The following ADGRB3 variants were observed in gnomAD, a reference collection of about 807,000 sequenced individuals.
ADGRB3 encodes the protein brain-specific angiogenesis inhibitor 3.
A neutral mutation model predicts 193.4 loss-of-function variants in ADGRB3; 37 were observed. That is an observed-to-expected ratio of 0.19 (90% CI 0.15 to 0.25). The LOEUF (loss-of-function observed/expected upper bound fraction) is 0.25, where lower values mean the gene tolerates loss of function less well. Among genes scored for constraint, ADGRB3 ranks in the 10% least tolerant of loss-of-function variants. The pLI, the probability that ADGRB3 is intolerant of heterozygous loss-of-function variation, is 1.00. For missense variants in ADGRB3, 1,637 were observed against 1,852.9 expected (o/e 0.88, Z 2.14); for synonymous variants, 690 against 644.2 (o/e 1.07, Z -1.08).
chr6:69,136,315 A>G (rs1212718545), intron 17 of ADGRB3, among the ~76,000 whole-genome samples: 1 of 152,128 alleles, frequency 6.6e-6, no homozygotes, highest in Non-Finnish European at 1.5e-5. Context: ...ATAATTTCTG[A>G]GAAGCACAGT....
chr6:68,746,861 A>C (rs1766095494), intron 3 of ADGRB3, among the ~76,000 whole-genome samples: 1 of 152,190 alleles, frequency 6.6e-6, no homozygotes, highest in South Asian at 2.1e-4. Flanking sequence ...TCTTAGTCCC[A>C]TAGTCCATTT....
At chr6:68,760,794 G>C (rs770780572) in intron 3 of ADGRB3, among the ~76,000 whole-genome samples, 8 of 152,244 alleles carry the variant, frequency 5.3e-5, no homozygotes, top group South Asian at 2.1e-4. Context: ...TAGATTCAAT[G>C]TCCAATTACT....
chr6:68,800,737 G>T (rs2127370794), intron 3 of ADGRB3, among the ~76,000 whole-genome samples: 1 of 151,946 alleles, frequency 6.6e-6, no homozygotes, highest in South Asian at 2.1e-4. Context: ...ACAGCATTCT[G>T]CCTCTGAATG....
intron 3 of ADGRB3, among the ~76,000 whole-genome samples, chr6:68,693,493 G>A (rs1039572536): frequency 6.6e-6 from 1 of 151,970 alleles, no homozygotes; most frequent in Admixed American, 6.6e-5. Context: ...TCAATTTAAG[G>A]AAACTCAAGT....
intron 31 of ADGRB3, among the ~76,000 whole-genome samples, chr6:69,385,827 A>G (rs888889258): frequency 1.3e-5 from 2 of 151,974 alleles, no homozygotes; most frequent in African/African-American, 4.8e-5. Context: ...ACAATTGACA[A>G]TATTACACTT....
At chr6:68,928,226 C>A (rs1164766616) in intron 3 of ADGRB3, among the ~76,000 whole-genome samples, 2 of 152,088 alleles carry the variant, frequency 1.3e-5, no homozygotes, top group Non-Finnish European at 2.9e-5. Flanking sequence ...GAATGTGACA[C>A]TTTTAAAATC....
At chr6:68,703,847 T>A (rs976841366) in intron 3 of ADGRB3, among the ~76,000 whole-genome samples, 3 of 152,200 alleles carry the variant, frequency 2.0e-5, no homozygotes, top group African/African-American at 7.2e-5. Context: ...AGTCTCGAAC[T>A]CCTGACCTCA....
chr6:68,881,910 T>C (rs989831195), intron 3 of ADGRB3, among the ~76,000 whole-genome samples: 2 of 152,220 alleles, frequency 1.3e-5, no homozygotes, highest in African/African-American at 2.4e-5. Context: ...ATTATAGTTT[T>C]TATTTCATTA....
chr6:68,906,208 A>C (rs969642227), intron 3 of ADGRB3, among the ~76,000 whole-genome samples: 6 of 151,672 alleles, frequency 4.0e-5, no homozygotes, highest in Admixed American at 1.3e-4. Context: ...GTTGTTCCTT[A>C]ATTTCTAATT....
At chr6:69,165,123 G>T (rs1476589683) in intron 17 of ADGRB3, among the ~76,000 whole-genome samples, 3 of 151,922 alleles carry the variant, frequency 2.0e-5, no homozygotes, top group Non-Finnish European at 1.5e-5. Context: ...GATCCCATTT[G>T]AAATCCTTAA....
In ADGRB3 at chr6:68,848,825, T is replaced by C. The variant is rs540715911; in HGVS notation, c.758-81734T>C. On this transcript the variant is annotated intron_variant, in intron 3 of 31. Coordinates refer to ENST00000370598, the MANE Select transcript of ADGRB3 (RefSeq NM_001704.3). ...AGTCCTATCAAAATTTAACAAAACC[T>C]AAAAAATATTTCATTTATACTGACA... 7.9e-5 allele frequency among the ~76,000 whole-genome samples: 12 copies of C among 152,092 alleles called. 1 individual carries two copies.
intron 17 of ADGRB3, among the ~76,000 whole-genome samples, chr6:69,232,870 TATGGGACGGGA>T (rs2127256890): frequency 1.3e-5 from 2 of 152,278 alleles, no homozygotes; most frequent in South Asian, 4.1e-4. Context: ...TGGTCCAAAA[TATGGGACGGGA>T]ATCAGAGCTG....
At position 68,801,884 on chromosome 6, in the gene ADGRB3, A is replaced by C. The variant is rs528361894; in HGVS notation, c.758-128675A>C. Among the ~76,000 whole-genome samples, 8 of 152,240 alleles carry C rather than the reference A, an allele frequency of 5.3e-5. No individual in the cohort carries two copies. In the South Asian group the frequency reaches 1.7e-3, roughly 32 times the overall value. ...ACATGGCTGAACTGCAGAAATGGAC[A>C]AAGCCTAGATTAAACTGACCTCTTT... is the stretch of plus-strand genomic sequence containing the variant. On this transcript the variant is annotated intron_variant, in intron 3 of 31. Coordinates refer to ENST00000370598, the MANE Select transcript of ADGRB3 (RefSeq NM_001704.3).
At chr6:69,113,836 T>G (rs1296103594) in intron 17 of ADGRB3, among the ~76,000 whole-genome samples, 3 of 152,214 alleles carry the variant, frequency 2.0e-5, no homozygotes, top group African/African-American at 7.2e-5. Flanking sequence ...TGACTATTAC[T>G]TTAAGTCTGA....
At chr6:68,913,268 C>A (rs938299537) in intron 3 of ADGRB3, among the ~76,000 whole-genome samples, 2 of 152,080 alleles carry the variant, frequency 1.3e-5, no homozygotes, top group African/African-American at 4.8e-5. Context: ...CCCTGACCCC[C>A]GAGCAGCCTA....
At chr6:69,259,695 C>CAA (rs397887907) in intron 20 of ADGRB3, among the ~76,000 whole-genome samples, 10,839 of 75,416 alleles carry the variant, frequency 0.14, 697 homozygotes, top group Non-Finnish European at 0.17. Context: ...GACTCTGTCT[C>CAA]AAAAAAAAAA....
chr6:69,357,428 T>C (rs1002526704), intron 28 of ADGRB3, among the ~76,000 whole-genome samples: 2 of 152,056 alleles, frequency 1.3e-5, no homozygotes, highest in African/African-American at 4.8e-5. Flanking sequence ...ATACTATCCA[T>C]TTCCATTGTT....
chr6:69,287,681 C>G (rs1355753759), intron 20 of ADGRB3, among the ~76,000 whole-genome samples: 1 of 152,140 alleles, frequency 6.6e-6, no homozygotes, highest in African/African-American at 2.4e-5. Context: ...AACCCAGGTG[C>G]CTGGGACACC....
At chr6:68,800,925 A>T (rs1767298940) in intron 3 of ADGRB3, among the ~76,000 whole-genome samples, 1 of 152,212 alleles carries the variant, frequency 6.6e-6, no homozygotes, top group Non-Finnish European at 1.5e-5. Context: ...AGCCAACTTC[A>T]GAGCCAGGGT....
Sources: allele counts gnomAD v4.1 joint callset (sites outside exome capture counted in the v4.1 genomes callset), GRCh38; gene constraint gnomAD v4.1.1; transcripts MANE v1.5; gene names NCBI Gene and HGNC (gene_info 2026-07-23, HGNC 2026-07-21).